IFT52: variants seen among roughly 807,000 people sequenced by gnomAD.
IFT52 encodes intraflagellar transport protein 52 homolog.
IFT52 carries 44 observed loss-of-function variants against 54.4 expected under a neutral mutation model. The ratio of observed to expected loss-of-function variants is 0.81; its 90% CI spans 0.63 to 1.04. The LOEUF (loss-of-function observed/expected upper bound fraction) is 1.04, where lower values mean the gene tolerates loss of function less well. Ranked by LOEUF, IFT52 falls within the 50% of genes least tolerant of loss-of-function variation. The pLI is 0.00. For missense variants in IFT52, 452 were observed against 523.6 expected (o/e 0.86, Z 1.33); for synonymous variants, 181 against 185.3 (o/e 0.98, Z 0.19).
intron 6 of IFT52, among the ~76,000 whole-genome samples, chr20:43,613,367 T>C (rs1023160495): frequency 6.6e-6 from 1 of 152,256 alleles, no homozygotes; most frequent in Non-Finnish European, 1.5e-5. Context: ...ACTTACACTT[T>C]CCTGTTAATT....
chr20:43,633,113 GTGGGTGGATCACCTGAGGT>G (rs1031439832), intron 10 of IFT52, among the ~76,000 whole-genome samples: 3 of 152,236 alleles, frequency 2.0e-5, no homozygotes, highest in African/African-American at 7.2e-5. Flanking sequence ...GGAGGCTGAG[GTGGGTGGATCACCTGAGGT>G]TGGGAGTTCG....
At chr20:43,643,171 AAAC>A (rs1314022760) in intron 13 of IFT52, among the ~76,000 whole-genome samples, 1 of 149,558 alleles carries the variant, frequency 6.7e-6, no homozygotes, top group Non-Finnish European at 1.5e-5. Context: ...TCTCAAAAAA[AAAC>A]AAAAAAACAA....
chr20:43,640,241 G>A (rs1194484423), intron 12 of IFT52, among the ~76,000 whole-genome samples: 1 of 152,022 alleles, frequency 6.6e-6, no homozygotes, highest in Non-Finnish European at 1.5e-5. Context: ...TGGATCACAA[G>A]GTCAGGAGTT....
chr20:43,604,233 C>G lies in IFT52; in HGVS notation c.388C>G (p.Leu130Val). 1 of 1,611,824 alleles carries G rather than the reference C, an allele frequency of 6.2e-7. No individual in the cohort carries two copies. The highest frequency in any genetic ancestry group is 8.5e-7 in the Non-Finnish European group (1 of 1,177,994). The change falls in exon 5 of 14, where the codon CTA (leucine) becomes GTA (valine). Residue 130 changes from leucine (L) to valine (V), a missense_variant. Transcript: ENST00000373030. ...CAAATATTTCCATCCTAAAGAAGCT[C>G]TAGTTTCCAGTGGAGTCTTGAACAG... ...YHKYFHPKEA[L>V]VSSGVLNREI...
chr20:43,609,430 C>A (rs1983238252), intron 6 of IFT52, among the ~76,000 whole-genome samples: 1 of 152,022 alleles, frequency 6.6e-6, no homozygotes, highest in African/African-American at 2.4e-5. Context: ...CATTTTCATA[C>A]CACACCCCAA....
rs189945481 is a variant in IFT52 at position 43,647,059 on chromosome 20, C to T, written c.*76C>T. 2 of 1,314,342 alleles carry T rather than the reference C, an allele frequency of 1.5e-6. No homozygotes were observed. The highest frequency in any genetic ancestry group is 1.4e-5 in the African/African-American group (1 of 69,026). The allele number at this position is 1,314,342 out of a possible 1,614,324, so 81.4% of individuals were successfully genotyped here. ...CTATTTTCAAATTGTTTTTCAACTC[C>T]TTATCAAAATTGTTTATACACTCTT... On this transcript the variant is annotated 3_prime_UTR_variant, in exon 14 of 14. Coordinates refer to ENST00000373030, the MANE Select transcript of IFT52 (RefSeq NM_016004.5).
At chr20:43,619,224 G>C (rs1984086837) in intron 8 of IFT52, among the ~76,000 whole-genome samples, 198 bp downstream of exon 8, 1 of 152,146 alleles carries the variant, frequency 6.6e-6, no homozygotes, top group Non-Finnish European at 1.5e-5. Flanking sequence ...CTGAGAGAGA[G>C]AGAGACAAAT....
At chr20:43,622,998 T>G (rs1403784072) in intron 9 of IFT52, among the ~76,000 whole-genome samples, 3 of 151,886 alleles carry the variant, frequency 2.0e-5, no homozygotes, top group African/African-American at 7.3e-5. Flanking sequence ...AGTGTAGCAG[T>G]GGAGGAACTG....
In IFT52 at chr20:43,600,724, A is replaced by T. The variant is rs191386043; in HGVS notation, c.208-3036A>T. 2.6e-5 allele frequency among the ~76,000 whole-genome samples: 4 copies of T among 152,190 alleles called. No homozygotes were observed. The East Asian group carries it at 7.7e-4, about 29-fold the overall frequency. On this transcript the variant is annotated intron_variant, in intron 3 of 13. Transcript: ENST00000373030. ...AGTAGCTTACTCCTGTAATCCCAGG[A>T]GTTTGGGAGGCCGAGGCGGGTGGAA...
intron 2 of IFT52, among the ~76,000 whole-genome samples, chr20:43,595,022 A>G (rs1212069659): frequency 2.0e-5 from 3 of 151,366 alleles, no homozygotes; most frequent in Non-Finnish European, 4.4e-5. Context: ...CACGAGGTCA[A>G]GAGATCAAGA....
chr20:43,601,225 C>G (rs991876720), intron 3 of IFT52, among the ~76,000 whole-genome samples: 1 of 152,010 alleles, frequency 6.6e-6, no homozygotes, highest in African/African-American at 2.4e-5. Context: ...AGAATACATG[C>G]TAGATGGTTT....
At chr20:43,597,530 G>A (rs926096112) in intron 3 of IFT52, among the ~76,000 whole-genome samples, 6 of 152,186 alleles carry the variant, frequency 3.9e-5, no homozygotes, top group Non-Finnish European at 8.8e-5. Flanking sequence ...CACACTGATG[G>A]TGGGAATGTA....
chr20:43,605,124 T>C (rs749255355), intron 6 of IFT52, 51 bp downstream of exon 6: 1 of 1,594,102 alleles, frequency 6.3e-7, no homozygotes, highest in African/African-American at 1.4e-5. Context: ...TTTTGGAGTC[T>C]TCTTTTTCAA....
chr20:43,607,676 C>T (rs1166135978), intron 6 of IFT52, among the ~76,000 whole-genome samples: 1 of 148,536 alleles, frequency 6.7e-6, no homozygotes, highest in Admixed American at 6.8e-5. Flanking sequence ...GGCAGCCAGG[C>T]AGAGGGGCTC....
rs1600517725 is a variant in IFT52, at chr20:43,639,458, G to A, written c.1120+2205G>A. On this transcript the variant is annotated intron_variant, in intron 12 of 13. Transcript: ENST00000373030. ...GGCCAAGGTGGGCAGATCACCTGAG[G>A]TTGGGAGTTCAAGACCAGCCTGACC... 2.0e-5 allele frequency among the ~76,000 whole-genome samples: 3 copies of A among 152,052 alleles called. No individual in the cohort carries two copies. The South Asian group carries it at 6.2e-4, about 32-fold the overall frequency.
At chr20:43,604,020 C>T in intron 4 of IFT52, 131 bp downstream of exon 4, 2 of 914,016 alleles carry the variant, frequency 2.2e-6, no homozygotes, top group African/African-American at 1.7e-5. Flanking sequence ...GTTCCATTCT[C>T]ATCAGCAGTC....
At chr20:43,635,698 G>C (rs906369817) in intron 10 of IFT52, among the ~76,000 whole-genome samples, 19 of 152,286 alleles carry the variant, frequency 1.2e-4, no homozygotes, top group African/African-American at 4.6e-4. Context: ...CCATGTCTTT[G>C]CTATTGTGAA....
chr20:43,634,648 TTTTTAAC>T (rs981407639), intron 10 of IFT52, among the ~76,000 whole-genome samples: 1 of 152,156 alleles, frequency 6.6e-6, no homozygotes, highest in Non-Finnish European at 1.5e-5. Flanking sequence ...GTGTTTTTTT[TTTTTAAC>T]TTTTAAGTTC....
chr20:43,591,620 T>C (rs1981525928), intron 1 of IFT52, among the ~76,000 whole-genome samples: 2 of 152,164 alleles, frequency 1.3e-5, no homozygotes, highest in African/African-American at 2.4e-5. Flanking sequence ...GACAAAATGA[T>C]GTTAAAGTGC....
Sources: allele counts gnomAD v4.1 joint callset (sites outside exome capture counted in the v4.1 genomes callset), GRCh38; gene constraint gnomAD v4.1.1; transcripts MANE v1.5; gene names NCBI Gene and HGNC (gene_info 2026-07-23, HGNC 2026-07-21).